Variants in MAGI1 observed in about 807,000 individuals in gnomAD.
MAGI1 encodes membrane associated guanylate kinase, WW and PDZ domain containing 1.
MAGI1 carries 58 observed loss-of-function variants against 139.9 expected under a neutral mutation model. That is an observed-to-expected ratio of 0.41 (90% CI 0.34 to 0.52). The LOEUF is 0.52. Among genes scored for constraint, MAGI1 ranks in the 20% least tolerant of loss-of-function variants. The probability of loss-of-function intolerance (pLI) is 0.12; values close to 1 mark genes in which losing one functional copy is unlikely to be tolerated. For synonymous variants in MAGI1, 812 were observed against 737.9 expected, an observed-to-expected ratio of 1.10 and a Z score of -1.63; for missense variants, 1,874 against 1,901.6, an observed-to-expected ratio of 0.99 and a Z score of 0.27.
intron 2 of MAGI1, among the ~76,000 whole-genome samples, chr3:65,612,426 C>T (rs1253239571): frequency 6.6e-6 from 1 of 152,158 alleles, no homozygotes; most frequent in East Asian, 1.9e-4. Flanking sequence ...GCATCATTCA[C>T]CATGGCCATT....
At chr3:65,509,559 A>G (rs2077470630) in intron 2 of MAGI1, among the ~76,000 whole-genome samples, 1 of 152,200 alleles carries the variant, frequency 6.6e-6, no homozygotes, top group African/African-American at 2.4e-5. Flanking sequence ...CACCTGGAAA[A>G]TCGGGTCACT....
chr3:65,945,427 G>A (rs1191285913), intron 1 of MAGI1, among the ~76,000 whole-genome samples: 1 of 152,218 alleles, frequency 6.6e-6, no homozygotes, highest in Admixed American at 6.5e-5. Flanking sequence ...TAATGGGTAT[G>A]TAGTATCTGC....
At chr3:65,674,813 C>A (rs2087082176) in intron 1 of MAGI1, among the ~76,000 whole-genome samples, 1 of 152,138 alleles carries the variant, frequency 6.6e-6, no homozygotes, top group African/African-American at 2.4e-5. Flanking sequence ...GCTTCAAGGG[C>A]TTAATCAATT....
chr3:65,922,639 T>G (rs2062264677), intron 1 of MAGI1, among the ~76,000 whole-genome samples: 1 of 152,210 alleles, frequency 6.6e-6, no homozygotes, highest in Non-Finnish European at 1.5e-5. Flanking sequence ...AATACATTTC[T>G]GATGTTTTAA....
In MAGI1 at chr3:65,356,820, T is replaced by C. The variant is rs780273082; in HGVS notation, c.3947A>G (p.Asn1316Ser). 6.2e-7 allele frequency: 1 copy of C among 1,611,994 alleles called. No homozygotes were observed. The highest frequency in any genetic ancestry group is 1.1e-5 in the South Asian group (1 of 90,908). The change falls in exon 23 of 23, where the codon AAC (asparagine) becomes AGC (serine). Residue 1316 changes from asparagine (N) to serine (S), a missense_variant. Coordinates refer to ENST00000402939, the MANE Select transcript of MAGI1 (RefSeq NM_001033057.2). ...CTCTGGGGACCGCCTCTTGGGGCCG[T>C]TGGCGGCTGCCGCGCGCTCGGCCTG... ...DAQAERAAAANGPKRRSPEKR... is the reference protein window; with the variant it reads ...DAQAERAAAASGPKRRSPEKR...
chr3:65,403,850 G>C (rs1945110169), intron 12 of MAGI1, among the ~76,000 whole-genome samples: 1 of 152,162 alleles, frequency 6.6e-6, no homozygotes, highest in South Asian at 2.1e-4. Flanking sequence ...ACGATGTTCA[G>C]TGCAATATTG....
At chr3:65,777,926 C>T (rs2038601793) in intron 1 of MAGI1, among the ~76,000 whole-genome samples, 1 of 152,130 alleles carries the variant, frequency 6.6e-6, no homozygotes, top group South Asian at 2.1e-4. Flanking sequence ...ACTAACACTA[C>T]TATAGTTCTA....
At chr3:65,638,092 T>G (rs377229884) in intron 1 of MAGI1, among the ~76,000 whole-genome samples, 7 of 152,312 alleles carry the variant, frequency 4.6e-5, no homozygotes, top group African/African-American at 1.4e-4. Flanking sequence ...GTTCCCATCC[T>G]GACTTTGCCA....
chr3:65,588,162 C>T (rs947238083), intron 2 of MAGI1, among the ~76,000 whole-genome samples: 1 of 152,148 alleles, frequency 6.6e-6, no homozygotes, highest in Non-Finnish European at 1.5e-5. Context: ...ACTCCTGTAA[C>T]GATGAAAACG....
chr3:65,602,135 C>T (rs1234265010), intron 2 of MAGI1, among the ~76,000 whole-genome samples: 3 of 152,106 alleles, frequency 2.0e-5, no homozygotes, highest in East Asian at 3.8e-4. Flanking sequence ...GGTTTAGCCA[C>T]TTTGGAAAAC....
chr3:65,672,113 T>A (rs906763309), intron 1 of MAGI1, among the ~76,000 whole-genome samples: 2 of 152,188 alleles, frequency 1.3e-5, no homozygotes, highest in African/African-American at 4.8e-5. Context: ...AAACCAGTAT[T>A]GCCAAAACTG....
At chr3:65,570,771 G>C (rs983428674) in intron 2 of MAGI1, among the ~76,000 whole-genome samples, 1 of 152,138 alleles carries the variant, frequency 6.6e-6, no homozygotes, top group African/African-American at 2.4e-5. Context: ...AAAAAATCCA[G>C]ATCATGTTAC....
chr3:65,708,944 C>G (rs904200997), intron 1 of MAGI1, among the ~76,000 whole-genome samples: 1 of 152,282 alleles, frequency 6.6e-6, no homozygotes, highest in South Asian at 2.1e-4. Flanking sequence ...TCTCCCAATG[C>G]CTCACAAATT....
chr3:65,996,094 G>A (rs2107398945), intron 1 of MAGI1, among the ~76,000 whole-genome samples: 1 of 152,214 alleles, frequency 6.6e-6, no homozygotes, highest in African/African-American at 2.4e-5. Context: ...AAATTAAATT[G>A]GAATCTACGA....
chr3:65,510,078 C>T (rs2077503973), intron 2 of MAGI1, among the ~76,000 whole-genome samples: 1 of 152,062 alleles, frequency 6.6e-6, no homozygotes, highest in Non-Finnish European at 1.5e-5. Context: ...TTCCAACAGA[C>T]CTGCAGCTGA....
chr3:65,391,379 G>C (rs754081896), intron 13 of MAGI1, 21 bp from the exon 14 acceptor site: 4 of 1,597,538 alleles, frequency 2.5e-6, no homozygotes, highest in South Asian at 1.1e-5. Context: ...GCAAGTGAGA[G>C]GGGCAAGAAG....
intron 1 of MAGI1, among the ~76,000 whole-genome samples, chr3:65,959,601 T>TTTTTTATTATTA (rs1553738753): frequency 1.6e-5 from 2 of 127,334 alleles, no homozygotes; most frequent in African/African-American, 3.0e-5. Flanking sequence ...TCCCAGCATT[T>TTTTTTATTATTA]TTATTATTAT....
intron 1 of MAGI1, among the ~76,000 whole-genome samples, chr3:65,635,382 A>G (rs2084552602): frequency 6.6e-6 from 1 of 152,168 alleles, no homozygotes; most frequent in Non-Finnish European, 1.5e-5. Flanking sequence ...TTTTAAAAGC[A>G]GTTACAGTCA....
intron 1 of MAGI1, among the ~76,000 whole-genome samples, chr3:65,695,790 G>A (rs897976095): frequency 6.6e-5 from 10 of 152,152 alleles, no homozygotes; most frequent in Admixed American, 3.9e-4. Context: ...AGGCCATGTC[G>A]GGAAGTTGTC....
Sources: allele counts gnomAD v4.1 joint callset (sites outside exome capture counted in the v4.1 genomes callset), GRCh38; gene constraint gnomAD v4.1.1; transcripts MANE v1.5; gene names NCBI Gene and HGNC (gene_info 2026-07-23, HGNC 2026-07-21).